MACROD2: variants seen among roughly 807,000 people sequenced by gnomAD.
The protein encoded by MACROD2 is ADP-ribose glycohydrolase MACROD2.
A neutral mutation model predicts 70.4 loss-of-function variants in MACROD2; 36 were observed. The observed-to-expected ratio is 0.51, with a 90% CI of 0.39 to 0.68. The LOEUF (loss-of-function observed/expected upper bound fraction) is 0.68. MACROD2 is among the 30% of genes least tolerant of loss of function. The pLI, the probability that MACROD2 is intolerant of heterozygous loss-of-function variation, is 0.00. For missense variants in MACROD2, 496 were observed against 538.4 expected (o/e 0.92, Z 0.78); for synonymous variants, 172 against 178.8 (o/e 0.96, Z 0.30).
intron 3 of MACROD2, among the ~76,000 whole-genome samples, chr20:14,311,601 T>A (rs563945866): frequency 9.3e-4 from 141 of 152,284 alleles, no homozygotes; most frequent in Middle Eastern, 3.4e-3. Context: ...GACTGCAACC[T>A]CTGCCTCCTG....
intron 6 of MACROD2, among the ~76,000 whole-genome samples, chr20:15,387,870 G>C (rs1197337357): frequency 1.8e-4 from 27 of 151,780 alleles, no homozygotes; most frequent in Admixed American, 1.7e-3. Flanking sequence ...AGCATCCTGA[G>C]TAACTGGGAC....
At chr20:15,274,619 G>A (rs1456687246) in intron 6 of MACROD2, among the ~76,000 whole-genome samples, 1 of 152,220 alleles carries the variant, frequency 6.6e-6, no homozygotes, top group Non-Finnish European at 1.5e-5. Flanking sequence ...TGTGCTGGAA[G>A]CAGAAGTGAT....
chr20:15,797,863 A>T (rs114273719), intron 8 of MACROD2, among the ~76,000 whole-genome samples: 1 of 152,220 alleles, frequency 6.6e-6, no homozygotes, highest in African/African-American at 2.4e-5. Flanking sequence ...AACAATGTGC[A>T]TTTCTAACAA....
intron 5 of MACROD2, among the ~76,000 whole-genome samples, chr20:15,096,464 A>G (rs975245443): frequency 2.0e-5 from 3 of 148,050 alleles, no homozygotes; most frequent in Middle Eastern, 7.1e-3. Flanking sequence ...ATAAATATAT[A>G]TAAATACGTA....
rs1021677660 is a variant in MACROD2, at chr20:14,654,972, A to G, written c.302-29871A>G. Among the ~76,000 whole-genome samples the G allele has an allele frequency of 4.6e-5, 7 of 152,330 alleles. No individual in the cohort carries two copies. The South Asian group carries it at 1.0e-3, about 23-fold the overall frequency. On this transcript the variant is annotated intron_variant, in intron 4 of 17. Coordinates refer to ENST00000684519, the MANE Select transcript of MACROD2 (RefSeq NM_001351661.2). The stretch of plus-strand genomic sequence containing the variant: ...AACTCATTAATTTTAACCAAGAGTT[A>G]GATTTCACAGAAAGCAATTACTAGG...
chr20:14,762,427 A>T (rs2072028055), intron 5 of MACROD2, among the ~76,000 whole-genome samples: 1 of 152,118 alleles, frequency 6.6e-6, no homozygotes, highest in Non-Finnish European at 1.5e-5. Flanking sequence ...GATGGCAAAA[A>T]ACTAAGTAAA....
At chr20:14,392,236 T>A (rs1212547351) in intron 3 of MACROD2, among the ~76,000 whole-genome samples, 2 of 152,134 alleles carry the variant, frequency 1.3e-5, no homozygotes, top group Non-Finnish European at 2.9e-5. Context: ...GATACAAATA[T>A]TTTTATACTA....
At chr20:15,784,219 G>C (rs952447540) in intron 8 of MACROD2, among the ~76,000 whole-genome samples, 1 of 152,138 alleles carries the variant, frequency 6.6e-6, no homozygotes, top group African/African-American at 2.4e-5. Flanking sequence ...CCCAGCGCAT[G>C]TGTATTGAGA....
chr20:14,526,800 A>AG (rs1166921251), intron 4 of MACROD2, among the ~76,000 whole-genome samples: 33 of 152,190 alleles, frequency 2.2e-4, no homozygotes, highest in Admixed American at 2.1e-3. Context: ...GACAGTGTCT[A>AG]GGGGTGAACG....
chr20:15,708,332 G>C (rs2146910009), intron 8 of MACROD2, among the ~76,000 whole-genome samples: 1 of 152,162 alleles, frequency 6.6e-6, no homozygotes, highest in East Asian at 1.9e-4. Context: ...GAAAAATTTG[G>C]GTAAGGAGGA....
At chr20:15,782,845 TTCTC>T (rs2051857752) in intron 8 of MACROD2, among the ~76,000 whole-genome samples, 1 of 152,036 alleles carries the variant, frequency 6.6e-6, no homozygotes, top group Non-Finnish European at 1.5e-5. Context: ...ATTAGTTTCT[TTCTC>T]TAGCTCTATA....
intron 5 of MACROD2, among the ~76,000 whole-genome samples, chr20:14,857,965 C>A (rs996214964): frequency 6.6e-6 from 1 of 151,966 alleles, no homozygotes; most frequent in Non-Finnish European, 1.5e-5. Flanking sequence ...GGATTACAGG[C>A]GCCTGCCACC....
intron 4 of MACROD2, among the ~76,000 whole-genome samples, chr20:14,593,459 A>G (rs1365949190): frequency 6.6e-6 from 1 of 152,180 alleles, no homozygotes; most frequent in South Asian, 2.1e-4. Flanking sequence ...TGTTTTAATT[A>G]ACAGCTTTGT....
intron 5 of MACROD2, among the ~76,000 whole-genome samples, chr20:14,957,949 C>T (rs1274911777): frequency 6.6e-6 from 1 of 152,060 alleles, no homozygotes; most frequent in African/African-American, 2.4e-5. Flanking sequence ...TTGCTTTTCT[C>T]TGACCATATT....
chr20:14,678,890 T>A (rs1042164000), intron 4 of MACROD2, among the ~76,000 whole-genome samples: 8 of 152,134 alleles, frequency 5.3e-5, no homozygotes, highest in African/African-American at 1.9e-4. Context: ...TGTATTTGAC[T>A]TTACTTTTTA....
chr20:15,696,916 T>C (rs1336862060), intron 8 of MACROD2, among the ~76,000 whole-genome samples: 1 of 152,098 alleles, frequency 6.6e-6, no homozygotes, highest in African/African-American at 2.4e-5. Flanking sequence ...GTTTCATTTG[T>C]TGGTAAGGTT....
chr20:14,975,398 C>G (rs1453769871), intron 5 of MACROD2, among the ~76,000 whole-genome samples: 1 of 152,030 alleles, frequency 6.6e-6, no homozygotes, highest in Non-Finnish European at 1.5e-5. Flanking sequence ...AGGAGTAGAT[C>G]AGACGGCAGC....
At chr20:14,250,263 T>C (rs2082000877) in intron 3 of MACROD2, among the ~76,000 whole-genome samples, 1 of 152,126 alleles carries the variant, frequency 6.6e-6, no homozygotes, top group Non-Finnish European at 1.5e-5. Flanking sequence ...ACTATGTAAA[T>C]AATTGCTTTG....
At chr20:14,930,330 A>G (rs1388980511) in intron 5 of MACROD2, among the ~76,000 whole-genome samples, 1 of 152,144 alleles carries the variant, frequency 6.6e-6, no homozygotes, top group African/African-American at 2.4e-5. Flanking sequence ...GTCAATGTGG[A>G]ATGATTTCTC....
Sources: gnomAD v4.1 joint callset for allele counts (sites outside exome capture counted in the v4.1 genomes callset) on GRCh38, gnomAD v4.1.1 for gene constraint, MANE v1.5 for transcripts, NCBI Gene and HGNC (gene_info 2026-07-23, HGNC 2026-07-21) for gene names.